GALNT9: variants seen among roughly 807,000 people sequenced by gnomAD.
The protein encoded by GALNT9 is GalNAc transferase 9.
Under a neutral mutation model 63.1 loss-of-function variants are expected in GALNT9, and 47 were observed. The observed-to-expected ratio is 0.75, with a 90% CI of 0.59 to 0.95. The LOEUF (loss-of-function observed/expected upper bound fraction) is 0.95. Among genes scored for constraint, GALNT9 ranks in the 40% least tolerant of loss-of-function variants. The probability of loss-of-function intolerance (pLI) is 0.00; values close to 1 mark genes in which losing one functional copy is unlikely to be tolerated. For missense variants in GALNT9, 829 were observed against 874.8 expected, an observed-to-expected ratio of 0.95 and a Z score of 0.66; for synonymous variants, 396 against 365.7, an observed-to-expected ratio of 1.08 and a Z score of -0.94.
At chr12:132,243,926 C>T (rs1277322156) in intron 6 of GALNT9, among the ~76,000 whole-genome samples, 1 of 152,114 alleles carries the variant, frequency 6.6e-6, no homozygotes, top group Non-Finnish European at 1.5e-5. Flanking sequence ...GTGTCCGCCA[C>T]ACCCCACAAG....
chr12:132,257,900 G>C lies in GALNT9; in HGVS notation c.762-14C>G. On this transcript the variant is annotated splice_polypyrimidine_tract_variant and intron_variant, in intron 4 of 10. Coordinates refer to ENST00000328957, the MANE Select transcript of GALNT9 (RefSeq NM_001122636.2). ...GCGGGCTCGGCCCTGCGGAGGCACA[G>C]CTGTGAGGAGGGGCGGCCCCAGCCC... The C allele has an allele frequency of 6.6e-7, 1 of 1,503,924 alleles. No individual in the cohort carries two copies. The highest frequency in any genetic ancestry group is 9.0e-7 in the Non-Finnish European group (1 of 1,113,824). The allele number at this position is 1,503,924 out of a possible 1,614,324, so 93.2% of individuals were successfully genotyped here.
In GALNT9 at chr12:132,238,543, GCCGTGGCATGGGGAGGGGCTGC is replaced by G. The variant is rs1334015483; in HGVS notation, c.1077+9345_1077+9366del. ...TGCCCAGGACAGGCCAGAGGGCGGG[GCCGTGGCATGGGGAGGGGCTGC>G]CCTAGGGATGGGGACTCCTGGCCTG... On this transcript the variant is annotated intron_variant, in intron 6 of 10. Transcript: ENST00000328957. This position sits in a 1 kb window ranked among gnomAD's most constrained non-coding sequence, Gnocchi z 6.5. Among the ~76,000 whole-genome samples, 2 of 152,150 alleles carry G rather than the reference GCCGTGGCATGGGGAGGGGCTGC, an allele frequency of 1.3e-5. No individual in the cohort carries two copies. Among genetic ancestry groups the G allele is most frequent in the Non-Finnish European group, 2.9e-5 (2 of 68,002 alleles).
intron 6 of GALNT9, among the ~76,000 whole-genome samples, chr12:132,204,597 G>C (rs1310466525): frequency 6.6e-6 from 1 of 152,126 alleles, no homozygotes; most frequent in African/African-American, 2.4e-5. Flanking sequence ...GCCAGCCGAC[G>C]GCCAATCTCG....
In GALNT9 at chr12:132,315,091, G is replaced by A. The variant is rs530331514; in HGVS notation, c.238+13875C>T. On this transcript the variant is annotated intron_variant, in intron 1 of 10. Coordinates refer to ENST00000328957, the MANE Select transcript of GALNT9 (RefSeq NM_001122636.2). This position sits in a 1 kb window ranked among gnomAD's most constrained non-coding sequence, Gnocchi z 6.1. Reference sequence around the variant, plus strand: ...GGAGCGGGAGACTGGGCGGCCTGACGGAGGTGGCCCAGGGGGAGGTGGTGG... The same window carrying A: ...GGAGCGGGAGACTGGGCGGCCTGACAGAGGTGGCCCAGGGGGAGGTGGTGG... Among the ~76,000 whole-genome samples, 12 of 152,158 alleles carry A rather than the reference G, an allele frequency of 7.9e-5. No homozygotes were observed. Among genetic ancestry groups the A allele is most frequent in the South Asian group, 2.1e-4 (1 of 4,824 alleles).
intron 6 of GALNT9, among the ~76,000 whole-genome samples, chr12:132,213,678 C>G (rs574576011): frequency 6.6e-6 from 1 of 152,236 alleles, no homozygotes; most frequent in South Asian, 2.1e-4. Context: ...TCTGTGAGCA[C>G]CTAGGGGTTC....
intron 1 of GALNT9, among the ~76,000 whole-genome samples, chr12:132,287,227 G>T (rs1880635778): frequency 6.6e-6 from 1 of 152,226 alleles, no homozygotes; most frequent in African/African-American, 2.4e-5. Flanking sequence ...CAGTGACACA[G>T]TCACACACGT....
rs1555242217 is a variant in GALNT9, at chr12:132,286,500, C to G, written c.239-70G>C. Reference sequence around the variant, plus strand: ...CTGCGTCTGCACCCAGGAGACGCCCCTCCCGCCCCTCTCCCCGACGGCCGC... The same window carrying G: ...CTGCGTCTGCACCCAGGAGACGCCCGTCCCGCCCCTCTCCCCGACGGCCGC... On this transcript the variant is annotated intron_variant, in intron 1 of 10. Coordinates refer to ENST00000328957, the MANE Select transcript of GALNT9 (RefSeq NM_001122636.2). The surrounding 1 kb of genome is among the most constrained non-coding windows in gnomAD (Gnocchi z 7.4). 2 of 1,453,720 alleles carry G rather than the reference C, an allele frequency of 1.4e-6. No individual in the cohort carries two copies. The highest frequency in any genetic ancestry group is 1.5e-5 in the African/African-American group (1 of 68,590). The allele number at this position is 1,453,720 out of a possible 1,614,324, so 90.1% of individuals were successfully genotyped here.
intron 6 of GALNT9, among the ~76,000 whole-genome samples, chr12:132,208,101 A>G (rs59556272): frequency 0.032 from 4,931 of 152,300 alleles, 255 homozygotes; most frequent in African/African-American, 0.11. Context: ...GGAGAATTTA[A>G]AGGCTCTCCC....
rs118009816 is a variant in GALNT9, at chr12:132,306,586, C to T, written c.239-20156G>A. The stretch of plus-strand genomic sequence containing the variant: ...GCGTCTCCAGGCCTTTCTGGGTACC[C>T]CCACCTGCCCCGGCATTGCTGACGG... On this transcript the variant is annotated intron_variant, in intron 1 of 10. Coordinates refer to ENST00000328957, the MANE Select transcript of GALNT9 (RefSeq NM_001122636.2). 5.3e-3 allele frequency among the ~76,000 whole-genome samples: 801 copies of T among 152,278 alleles called. 3 individuals are homozygous for T. Among genetic ancestry groups the T allele is most frequent in the Non-Finnish European group, 8.2e-3 (559 of 68,012 alleles).
rs190633792 is a variant in GALNT9, at chr12:132,296,878, C to T, written c.239-10448G>A. Among the ~76,000 whole-genome samples, 5 of 152,240 alleles carry T rather than the reference C, an allele frequency of 3.3e-5. No individual in the cohort carries two copies. Among genetic ancestry groups the T allele is most frequent in the Non-Finnish European group, 5.9e-5 (4 of 68,008 alleles). On this transcript the variant is annotated intron_variant, in intron 1 of 10. Coordinates refer to ENST00000328957, the MANE Select transcript of GALNT9 (RefSeq NM_001122636.2). This position sits in a 1 kb window ranked among gnomAD's most constrained non-coding sequence, Gnocchi z 4.2. Reference sequence around the variant, plus strand: ...GTGGAACTCTTCCTTCCATCAGGAGCCCACTCCCACACAAACCAACTCACT... The same window carrying T: ...GTGGAACTCTTCCTTCCATCAGGAGTCCACTCCCACACAAACCAACTCACT...
chr12:132,327,969 G>C lies in GALNT9; in HGVS notation c.238+997C>G, dbSNP rs28661646. Among the ~76,000 whole-genome samples the C allele has an allele frequency of 0.16, 23,562 of 152,012 alleles. 1,916 individuals carry two copies. The highest frequency in any genetic ancestry group is 0.19 in the Middle Eastern group (57 of 294). ...CCCCAGCTCCCGTCACCTCCCACTC[G>C]AGCCTGTTACGGATGCTTTCTGGAG... is the stretch of plus-strand genomic sequence containing the variant. On this transcript the variant is annotated intron_variant, in intron 1 of 10. Coordinates refer to ENST00000328957, the MANE Select transcript of GALNT9 (RefSeq NM_001122636.2). This position sits in a 1 kb window ranked among gnomAD's most constrained non-coding sequence, Gnocchi z 4.3.
rs1868457981 is a variant in GALNT9, at chr12:132,315,519, C to T, written c.238+13447G>A. 6.6e-6 allele frequency among the ~76,000 whole-genome samples: 1 copy of T among 152,226 alleles called. No individual in the cohort carries two copies. The highest frequency in any genetic ancestry group is 2.1e-4 in the South Asian group (1 of 4,830). On this transcript the variant is annotated intron_variant, in intron 1 of 10. Coordinates refer to ENST00000328957, the MANE Select transcript of GALNT9 (RefSeq NM_001122636.2). This position sits in a 1 kb window ranked among gnomAD's most constrained non-coding sequence, Gnocchi z 6.1. ...AATAAAATCAGGGCTTGCTGGGTTT[C>T]ACGCCGGAGCTGCACGCAGAGCTGA... is the stretch of plus-strand genomic sequence containing the variant.
At chr12:132,266,823 C>T (rs67799517) in intron 2 of GALNT9, among the ~76,000 whole-genome samples, 7,184 of 152,094 alleles carry the variant, frequency 0.047, 600 homozygotes, top group African/African-American at 0.16. Flanking sequence ...CTGCTCTCGG[C>T]ATTGCTGCGT....
chr12:132,250,318 G>A (rs1878863779), intron 5 of GALNT9, among the ~76,000 whole-genome samples: 1 of 152,204 alleles, frequency 6.6e-6, no homozygotes, highest in East Asian at 1.9e-4. Flanking sequence ...TCGTGGGTGT[G>A]GGGTCCCCAC....
At chr12:132,288,020 G>A (rs1362661851) in intron 1 of GALNT9, among the ~76,000 whole-genome samples, 2 of 152,202 alleles carry the variant, frequency 1.3e-5, no homozygotes, top group Admixed American at 6.5e-5. Context: ...TCTGGTCCTC[G>A]GAGGAAGGCC....
chr12:132,308,611 C>T (rs1369292463), intron 1 of GALNT9, among the ~76,000 whole-genome samples: 1 of 152,208 alleles, frequency 6.6e-6, no homozygotes, highest in Non-Finnish European at 1.5e-5. Flanking sequence ...CCCTCGACCG[C>T]CAGGGCTTTC....
At chr12:132,293,164 G>T (rs933315759) in intron 1 of GALNT9, among the ~76,000 whole-genome samples, 3 of 152,078 alleles carry the variant, frequency 2.0e-5, no homozygotes, top group Non-Finnish European at 2.9e-5. Context: ...GGGACTGAGT[G>T]GGGGGGCTCA....
rs781955145 is a variant in GALNT9 at position 132,329,141 on chromosome 12, G to A, written c.63C>T (p.Ile21=). Reference sequence around the variant, plus strand: ...GGCGGCAGTACACGGAGAACAGGACGATGCCCACGAACACCAGGATGTTCA... The same window carrying A: ...GGCGGCAGTACACGGAGAACAGGACAATGCCCACGAACACCAGGATGTTCA... The part of the protein sequence containing the change: ...LTVNILVFVG[I]VLFSVYCRLQ... Residue 21 remains isoleucine (I), a synonymous_variant, in exon 1 of 11, where the codon ATC becomes ATT. Coordinates refer to ENST00000328957, the MANE Select transcript of GALNT9 (RefSeq NM_001122636.2). 5 of 1,549,440 alleles carry A rather than the reference G, an allele frequency of 3.2e-6. No homozygotes were observed. The South Asian group carries it at 6.0e-5, about 18-fold the overall frequency.
At chr12:132,200,797 C>A in intron 8 of GALNT9, 1 of 349,488 alleles carries the variant, frequency 2.9e-6, no homozygotes, top group Non-Finnish European at 5.3e-6. Context: ...CATGTGAACA[C>A]GCATGGATGT....
Sources: allele counts gnomAD v4.1 joint callset (sites outside exome capture counted in the v4.1 genomes callset), GRCh38; gene constraint gnomAD v4.1.1; non-coding constraint Gnocchi (gnomAD v3.1); transcripts MANE v1.5; gene names NCBI Gene and HGNC (gene_info 2026-07-23, HGNC 2026-07-21).